DOCK3: variants seen among roughly 807,000 people sequenced by gnomAD.
DOCK3 encodes the protein dedicator of cytokinesis protein 3.
A neutral mutation model predicts 265.6 loss-of-function variants in DOCK3; 60 were observed. The ratio of observed to expected loss-of-function variants is 0.23; its 90% CI spans 0.18 to 0.28. DOCK3 has a LOEUF of 0.28. DOCK3 is among the 10% of genes least tolerant of loss of function. The pLI is 1.00. For synonymous variants in DOCK3, 881 were observed against 938.0 expected (o/e 0.94, Z 1.11); for missense variants, 1,981 against 2,594.3 (o/e 0.76, Z 5.14).
chr3:51,168,934 A>G (rs1346904226), intron 12 of DOCK3, among the ~76,000 whole-genome samples: 4 of 152,232 alleles, frequency 2.6e-5, no homozygotes, highest in African/African-American at 4.8e-5. Flanking sequence ...AAGGACATGT[A>G]TAGACACCTT....
At chr3:50,689,544 C>T (rs2035066659) in intron 1 of DOCK3, among the ~76,000 whole-genome samples, 1 of 152,134 alleles carries the variant, frequency 6.6e-6, no homozygotes, top group Non-Finnish European at 1.5e-5. Flanking sequence ...GATTCAATTA[C>T]CTCCCACCAG....
At chr3:51,376,371 T>C (rs2088130500) in intron 51 of DOCK3, among the ~76,000 whole-genome samples, 1 of 152,172 alleles carries the variant, frequency 6.6e-6, no homozygotes, top group Non-Finnish European at 1.5e-5. Flanking sequence ...CAGCAGCTGC[T>C]GTGAATCCAT....
intron 1 of DOCK3, among the ~76,000 whole-genome samples, chr3:50,685,137 T>C (rs2034694277): frequency 6.6e-6 from 1 of 152,208 alleles, no homozygotes; most frequent in Admixed American, 6.5e-5. Context: ...TTTGAACATG[T>C]TCTAATATCT....
At chr3:51,377,489 G>A (rs1006074571) in intron 51 of DOCK3, among the ~76,000 whole-genome samples, 2 of 152,146 alleles carry the variant, frequency 1.3e-5, no homozygotes, top group Admixed American at 6.5e-5. Flanking sequence ...CTGCCTTCAG[G>A]ACCATGGGCT....
intron 5 of DOCK3, among the ~76,000 whole-genome samples, chr3:50,979,738 G>A (rs931302303): frequency 6.6e-6 from 1 of 152,226 alleles, no homozygotes; most frequent in East Asian, 1.9e-4. Flanking sequence ...TTGCTTTCTC[G>A]ATTTCTTCTT....
intron 12 of DOCK3, among the ~76,000 whole-genome samples, chr3:51,172,696 T>G (rs1163375515): frequency 6.6e-6 from 1 of 152,202 alleles, no homozygotes; most frequent in Non-Finnish European, 1.5e-5. Flanking sequence ...TTTGGTAGTT[T>G]GGTAGTTTTG....
At chr3:51,280,844 G>A (rs9855442) in intron 27 of DOCK3, among the ~76,000 whole-genome samples, 138,809 of 152,206 alleles carry the variant, frequency 0.91, 63,440 homozygotes, top group African/African-American at 0.96. Flanking sequence ...AAAAAATACA[G>A]TGGTTTCCTG....
chr3:51,187,657 T>C (rs564800503), intron 12 of DOCK3, among the ~76,000 whole-genome samples: 29 of 152,094 alleles, frequency 1.9e-4, no homozygotes, highest in Non-Finnish European at 2.8e-4. Context: ...TGGGAGATGA[T>C]TGAATCATGG....
At chr3:50,879,058 C>T (rs1012521367) in intron 3 of DOCK3, among the ~76,000 whole-genome samples, 2 of 152,110 alleles carry the variant, frequency 1.3e-5, no homozygotes. Context: ...AAATAAAATC[C>T]TTTACAGACA....
intron 3 of DOCK3, 44 bp from the exon 4 acceptor site, chr3:50,889,982 C>A: frequency 7.4e-7 from 1 of 1,347,592 alleles, no homozygotes; most frequent in South Asian, 1.8e-5. Flanking sequence ...AAATGTTAAT[C>A]ACAATTTTAT....
chr3:51,328,285 A>G (rs1264209631), intron 32 of DOCK3, among the ~76,000 whole-genome samples: 2 of 152,112 alleles, frequency 1.3e-5, no homozygotes, highest in African/African-American at 2.4e-5. Context: ...TGAAGGCACA[A>G]TCTACCTATA....
At chr3:51,252,056 A>G (rs964579211) in intron 22 of DOCK3, among the ~76,000 whole-genome samples, 1 of 152,272 alleles carries the variant, frequency 6.6e-6, no homozygotes, top group East Asian at 1.9e-4. Flanking sequence ...TAAGGAAGGG[A>G]TCCAGTTTCA....
At chr3:50,874,066 GTTTTTTTTTTTT>G (rs3043436) in intron 3 of DOCK3, among the ~76,000 whole-genome samples, 1 of 106,230 alleles carries the variant, frequency 9.4e-6, no homozygotes, top group Non-Finnish European at 2.0e-5. Context: ...CTTTTCTTTT[GTTTTTTTTTTTT>G]TTGTTAAATT....
intron 4 of DOCK3, among the ~76,000 whole-genome samples, chr3:50,895,111 C>A (rs184866832): frequency 6.7e-6 from 1 of 149,856 alleles, no homozygotes; most frequent in Non-Finnish European, 1.5e-5. Flanking sequence ...AAGCCTCAAA[C>A]AAAAAACATC....
rs183380954 is a variant in DOCK3, at chr3:51,179,971, G to A, written c.1037+19269G>A. 2.6e-5 allele frequency among the ~76,000 whole-genome samples: 4 copies of A among 152,098 alleles called. No individual in the cohort carries two copies. The East Asian group carries it at 7.7e-4, about 29-fold the overall frequency. ...GCCTGTAATCCCAGCACTTTGGGAGGCCGAGGTGGGTGGATCATTTGAGGT... is the reference window on the plus strand; with the variant it reads ...GCCTGTAATCCCAGCACTTTGGGAGACCGAGGTGGGTGGATCATTTGAGGT... On this transcript the variant is annotated intron_variant, in intron 12 of 52. Transcript: ENST00000266037.
intron 5 of DOCK3, among the ~76,000 whole-genome samples, chr3:50,979,172 C>A (rs1041909799): frequency 6.6e-6 from 1 of 152,164 alleles, no homozygotes; most frequent in Admixed American, 6.5e-5. Flanking sequence ...GCTCCTCCCC[C>A]AGTGTGTTTC....
chr3:51,079,999 A>T (rs955948127), intron 7 of DOCK3, among the ~76,000 whole-genome samples: 1 of 152,222 alleles, frequency 6.6e-6, no homozygotes, highest in African/African-American at 2.4e-5. Context: ...TAATAGCTCA[A>T]TGTTTATACA....
intron 1 of DOCK3, among the ~76,000 whole-genome samples, chr3:50,676,310 A>G (rs2033951859): frequency 6.6e-6 from 1 of 152,242 alleles, no homozygotes; most frequent in Non-Finnish European, 1.5e-5. Context: ...GCTATCAGGC[A>G]GGTTATCGTG....
intron 12 of DOCK3, among the ~76,000 whole-genome samples, chr3:51,207,308 C>T (rs1191386164): frequency 6.6e-6 from 1 of 152,074 alleles, no homozygotes; most frequent in Non-Finnish European, 1.5e-5. Context: ...AGCTCCAGTT[C>T]CACCATACCA....
Sources: allele counts gnomAD v4.1 joint callset (sites outside exome capture counted in the v4.1 genomes callset), GRCh38; gene constraint gnomAD v4.1.1; transcripts MANE v1.5; gene names NCBI Gene and HGNC (gene_info 2026-07-23, HGNC 2026-07-21).